Variants in ADRA1A observed in about 807,000 individuals in gnomAD.
ADRA1A encodes the protein alpha-1A adrenergic receptor.
ADRA1A carries 31 observed loss-of-function variants against 29.6 expected under a neutral mutation model. That is an observed-to-expected ratio of 1.05 (90% CI 0.79 to 1.41). The LOEUF is 1.41. Ranked by LOEUF, ADRA1A falls within the 40% of genes most tolerant of loss-of-function variation. The pLI is 0.00. For missense variants in ADRA1A, 619 were observed against 601.1 expected (o/e 1.03, Z -0.31); for synonymous variants, 311 against 254.3 (o/e 1.22, Z -2.12).
At position 26,864,304 on chromosome 8, in the gene ADRA1A, G is replaced by A. The variant is rs368820029; in HGVS notation, c.666C>T (p.Leu222=). The A allele has an allele frequency of 1.4e-5, 22 of 1,614,000 alleles. No homozygotes were observed. The African/African-American group carries it at 2.5e-4, about 19-fold the overall frequency. Residue 222 remains leucine, a synonymous_variant, in exon 2 of 3, where the codon CTC becomes CTT. Coordinates refer to ENST00000380573, the MANE Select transcript of ADRA1A (RefSeq NM_000680.4). The surrounding 1 kb of genome is among the most constrained non-coding windows in gnomAD (Gnocchi z 8.1). Reference sequence around the variant, plus strand: ...GCTCCGAGTCCGACTTGTCGGTCTTGAGGCCAGACTTGAGGCCCCGGCTCT... The same window carrying A: ...GCTCCGAGTCCGACTTGTCGGTCTTAAGGCCAGACTTGAGGCCCCGGCTCT... The part of the protein sequence containing the change: ...KRESRGLKSG[L]KTDKSDSEQV...
rs1810526079 is a variant in ADRA1A, at chr8:26,825,947, G to A, written c.883+38140C>T. Among the ~76,000 whole-genome samples the A allele has an allele frequency of 6.6e-6, 1 of 152,314 alleles. No individual in the cohort carries two copies. The highest frequency in any genetic ancestry group is 6.5e-5 in the Admixed American group (1 of 15,300). On this transcript the variant is annotated intron_variant, in intron 2 of 2. Coordinates refer to ENST00000380573, the MANE Select transcript of ADRA1A (RefSeq NM_000680.4). This position sits in a 1 kb window ranked among gnomAD's most constrained non-coding sequence, Gnocchi z 5.7. ...AAGTGCTGAGCTGGGCACTGGCCAT[G>A]CCAAAAACACATAAACACATTCTGT... is the stretch of plus-strand genomic sequence containing the variant.
At chr8:26,789,027 G>A (rs913383420) in intron 2 of ADRA1A, among the ~76,000 whole-genome samples, 16 of 152,102 alleles carry the variant, frequency 1.1e-4, no homozygotes, top group Non-Finnish European at 2.1e-4. Context: ...GTGGCCTGCT[G>A]CATGCACCAA....
intron 2 of ADRA1A, among the ~76,000 whole-genome samples, chr8:26,842,508 T>C (rs1467898149): frequency 6.6e-6 from 1 of 152,116 alleles, no homozygotes; most frequent in Non-Finnish European, 1.5e-5. Flanking sequence ...TTGACCTGCC[T>C]TGAAATATCC....
At chr8:26,835,211 C>T (rs114897888) in intron 2 of ADRA1A, among the ~76,000 whole-genome samples, 4,713 of 152,228 alleles carry the variant, frequency 0.031, 234 homozygotes, top group African/African-American at 0.11. Flanking sequence ...TTCTTTATGC[C>T]TTGTGATCTA....
At chr8:26,816,369 G>T (rs1248553773) in intron 2 of ADRA1A, among the ~76,000 whole-genome samples, 1 of 152,208 alleles carries the variant, frequency 6.6e-6, no homozygotes, top group Non-Finnish European at 1.5e-5. Flanking sequence ...CTCCTCTCCT[G>T]AGACCCAAGG....
At chr8:26,849,836 A>G (rs1223948886) in intron 2 of ADRA1A, among the ~76,000 whole-genome samples, 14 of 152,316 alleles carry the variant, frequency 9.2e-5, no homozygotes, top group Admixed American at 7.8e-4. Context: ...TTAAGCAGCT[A>G]TTAGGCTCAC....
At chr8:26,759,121 A>G (rs73678228) in intron 2 of ADRA1A, among the ~76,000 whole-genome samples, 2,177 of 152,304 alleles carry the variant, frequency 0.014, 58 homozygotes, top group African/African-American at 0.049. Flanking sequence ...GACTTGTTAT[A>G]CCCAGAGATA....
intron 2 of ADRA1A, among the ~76,000 whole-genome samples, chr8:26,779,683 C>T (rs779481883): frequency 1.7e-4 from 26 of 151,854 alleles, no homozygotes; most frequent in African/African-American, 7.3e-5. Context: ...TTTGAGATCA[C>T]GGAAAGGAGG....
chr8:26,810,152 C>T (rs1221072859), intron 2 of ADRA1A, among the ~76,000 whole-genome samples: 1 of 152,140 alleles, frequency 6.6e-6, no homozygotes, highest in African/African-American at 2.4e-5. Context: ...ATCAATAAAG[C>T]CAAGATTTTT....
intron 2 of ADRA1A, among the ~76,000 whole-genome samples, chr8:26,852,146 C>A (rs1812683790): frequency 6.6e-6 from 1 of 152,142 alleles, no homozygotes; most frequent in Non-Finnish European, 1.5e-5. Flanking sequence ...ACAATGAATC[C>A]TTTCCTGTCT....
chr8:26,803,472 T>C (rs907582235), intron 2 of ADRA1A, among the ~76,000 whole-genome samples: 1 of 152,148 alleles, frequency 6.6e-6, no homozygotes, highest in Non-Finnish European at 1.5e-5. Flanking sequence ...GCTAAACCTA[T>C]AAAGCTTTAA....
chr8:26,752,718 T>A (rs557618690), downstream of ADRA1A, among the ~76,000 whole-genome samples: 1 of 152,332 alleles, frequency 6.6e-6, no homozygotes, highest in Admixed American at 6.5e-5. Flanking sequence ...TGGAAAATAA[T>A]GATCCCTCTT....
rs1813917301 is a variant in ADRA1A at position 26,866,536 on chromosome 8, A to G, written c.-687+400T>C. Reference sequence around the variant, plus strand: ...TGCGTAAGAAACCTGGGTTTCCACAACTGCGAACCTACCGCAGGGACTCGG... The same window carrying G: ...TGCGTAAGAAACCTGGGTTTCCACAGCTGCGAACCTACCGCAGGGACTCGG... On this transcript the variant is annotated intron_variant, in intron 1 of 2. Transcript: ENST00000380573. This position sits in a 1 kb window ranked among gnomAD's most constrained non-coding sequence, Gnocchi z 5.7. 6.6e-6 allele frequency among the ~76,000 whole-genome samples: 1 copy of G among 152,166 alleles called. No homozygotes were observed. The highest frequency in any genetic ancestry group is 2.1e-4 in the South Asian group (1 of 4,830).
intron 2 of ADRA1A, among the ~76,000 whole-genome samples, chr8:26,820,185 T>A (rs1316609276): frequency 6.6e-6 from 1 of 152,176 alleles, no homozygotes; most frequent in Non-Finnish European, 1.5e-5. Flanking sequence ...AATGGATAGA[T>A]CATACAGATG....
At chr8:26,790,400 A>G (rs1432525083) in intron 2 of ADRA1A, among the ~76,000 whole-genome samples, 1 of 152,178 alleles carries the variant, frequency 6.6e-6, no homozygotes, top group Non-Finnish European at 1.5e-5. Flanking sequence ...GCAGAAGCTA[A>G]AAAAGTTGGT....
chr8:26,816,536 T>C (rs1199034030), intron 2 of ADRA1A, among the ~76,000 whole-genome samples: 1 of 61,578 alleles, frequency 1.6e-5, no homozygotes, highest in Non-Finnish European at 3.1e-5. Context: ...ATGGTGTATG[T>C]GTGTGTGTGT....
chr8:26,748,531 G>C (rs2130132387), exon 3 of ADRA1A: 1 of 322,074 alleles, frequency 3.1e-6, no homozygotes, highest in South Asian at 2.4e-5. Context: ...ATGAGGTCAA[G>C]AGATCGAGAT....
chr8:26,822,139 G>T (rs1810218545), intron 2 of ADRA1A, among the ~76,000 whole-genome samples: 1 of 152,156 alleles, frequency 6.6e-6, no homozygotes, highest in Non-Finnish European at 1.5e-5. Context: ...AATGGTAATT[G>T]CATGTTCATA....
intron 2 of ADRA1A, among the ~76,000 whole-genome samples, chr8:26,837,462 C>A (rs1811464369): frequency 1.3e-5 from 2 of 152,020 alleles, no homozygotes; most frequent in Non-Finnish European, 2.9e-5. Context: ...ACCAGCCCAG[C>A]CAACACAGTG....
Sources: allele counts gnomAD v4.1 joint callset (sites outside exome capture counted in the v4.1 genomes callset), GRCh38; gene constraint gnomAD v4.1.1; non-coding constraint Gnocchi (gnomAD v3.1); transcripts MANE v1.5; gene names NCBI Gene and HGNC (gene_info 2026-07-23, HGNC 2026-07-21).